POM121C: variants seen among roughly 807,000 people sequenced by gnomAD.
The protein encoded by POM121C is nuclear envelope pore membrane protein POM 121C.
Under a neutral mutation model 66.4 loss-of-function variants are expected in POM121C, and 20 were observed. That is an observed-to-expected ratio of 0.30 (90% CI 0.21 to 0.44). The LOEUF (loss-of-function observed/expected upper bound fraction) is 0.44, where lower values mean the gene tolerates loss of function less well. Ranked by LOEUF, POM121C falls within the 20% of genes least tolerant of loss-of-function variation. POM121C has a pLI of 1.00. For missense variants in POM121C, 580 were observed against 1,225.7 expected, an observed-to-expected ratio of 0.47 and a Z score of 7.87; for synonymous variants, 286 against 528.0, an observed-to-expected ratio of 0.54 and a Z score of 6.28.
chr7:75,473,879 G>C (rs587656557), intron 3 of POM121C, among the ~76,000 whole-genome samples: 1 of 151,748 alleles, frequency 6.6e-6, no homozygotes, highest in East Asian at 1.9e-4. Flanking sequence ...TAGTAGAGAC[G>C]GGGTTTCACC....
intron 3 of POM121C, among the ~76,000 whole-genome samples, chr7:75,470,634 C>CT (rs1301727952): frequency 6.6e-6 from 1 of 150,668 alleles, no homozygotes. Flanking sequence ...GCTAATTTAA[C>CT]TTTTTTTCTT....
intron 7 of POM121C, among the ~76,000 whole-genome samples, chr7:75,427,971 G>C (rs1554471908): frequency 1.3e-5 from 2 of 152,092 alleles, no homozygotes; most frequent in Non-Finnish European, 1.5e-5. Context: ...AGCAAGAAAG[G>C]CCAGAGCACA....
At chr7:75,449,457 C>T (rs1286435545) in intron 3 of POM121C, among the ~76,000 whole-genome samples, 3 of 151,788 alleles carry the variant, frequency 2.0e-5, no homozygotes, top group African/African-American at 7.3e-5. Flanking sequence ...CTCCACCTCC[C>T]GGGTTCATGC....
chr7:75,456,654 A>G (rs1246407631), intron 3 of POM121C, among the ~76,000 whole-genome samples: 4 of 152,276 alleles, frequency 2.6e-5, no homozygotes, highest in African/African-American at 9.6e-5. Flanking sequence ...ATGGGACATG[A>G]GACACAATCA....
chr7:75,443,380 T>C (rs1430980914), intron 3 of POM121C, among the ~76,000 whole-genome samples: 1 of 152,210 alleles, frequency 6.6e-6, no homozygotes, highest in African/African-American at 2.4e-5. Flanking sequence ...TTAGATTGTG[T>C]TGGCGGTTGC....
At chr7:75,442,257 C>A in intron 3 of POM121C, 4 of 643,306 alleles carry the variant, frequency 6.2e-6, no homozygotes, top group Non-Finnish European at 8.1e-6. Flanking sequence ...GCCGGGCGGG[C>A]GGGTGGGCGG....
intron 7 of POM121C, among the ~76,000 whole-genome samples, chr7:75,430,616 T>C (rs1790128975): frequency 6.6e-6 from 1 of 152,190 alleles, no homozygotes; most frequent in African/African-American, 2.4e-5. Flanking sequence ...TGACCTTAGG[T>C]TGGACAGGCA....
At chr7:75,431,329 T>A (rs1714429917) in intron 7 of POM121C, among the ~76,000 whole-genome samples, 1 of 151,758 alleles carries the variant, frequency 6.6e-6, no homozygotes, top group African/African-American at 2.4e-5. Flanking sequence ...CCGGGCTGGG[T>A]GCAGTGGCTC....
chr7:75,478,107 C>T (rs1398957316), intron 1 of POM121C, among the ~76,000 whole-genome samples: 2 of 152,260 alleles, frequency 1.3e-5, no homozygotes, highest in Middle Eastern at 3.4e-3. Context: ...GCTGGGATTA[C>T]AGGCGTGCAC....
intron 13 of POM121C, chr7:75,421,287 A>C: frequency 7.7e-7 from 1 of 1,290,916 alleles, no homozygotes; most frequent in Non-Finnish European, 1.0e-6. Context: ...TCAGCTTACA[A>C]TTGTTAAGTA....
rs782153496 is a variant in POM121C at position 75,421,791 on chromosome 7, C to T, written c.2461G>A (p.Gly821Arg). ...FGATTQTASS[G>R]SSSSVFGSTT... ...CTGCCAAACACCGAGCTGCTGCTCCCGCTGCTGGCGGTCTGGGTGGTGGCT... is the reference window on the plus strand; with the variant it reads ...CTGCCAAACACCGAGCTGCTGCTCCTGCTGCTGGCGGTCTGGGTGGTGGCT... Residue 821 changes from glycine (G) to arginine (R), a missense_variant, in exon 13 of 15, where the codon GGG (glycine) becomes AGG (arginine). By Grantham distance (125) the Gly-to-Arg change is moderately radical. Coordinates refer to ENST00000615331, the MANE Select transcript of POM121C (RefSeq NM_001099415.3). 253 of 1,608,220 alleles carry T rather than the reference C, an allele frequency of 1.6e-4. No individual in the cohort carries two copies. The highest frequency in any genetic ancestry group is 6.4e-4 in the Middle Eastern group (3 of 4,684).
At chr7:75,431,603 CAAAAAAAAAAAAAAA>C (rs71098029) in intron 7 of POM121C, among the ~76,000 whole-genome samples, 1 of 50,756 alleles carries the variant, frequency 2.0e-5, no homozygotes, top group South Asian at 9.0e-4. Flanking sequence ...AACTCCGTCT[CAAAAAAAAAAAAAAA>C]AAAAAAAAAA....
intron 13 of POM121C, chr7:75,419,741 C>CACCTAG (rs1789618180): frequency 2.7e-6 from 1 of 377,054 alleles, no homozygotes; most frequent in Admixed American, 4.7e-5. Context: ...TACTCTGGGG[C>CACCTAG]CCCCGCCTCC....
intron 3 of POM121C, among the ~76,000 whole-genome samples, chr7:75,468,368 A>C (rs1791752608): frequency 8.2e-6 from 1 of 121,612 alleles, no homozygotes; most frequent in South Asian, 2.8e-4. Context: ...CCCAGGCTGG[A>C]GTGCAGTGGT....
At chr7:75,435,938 C>T (rs587758257) in intron 7 of POM121C, among the ~76,000 whole-genome samples, 25 of 152,104 alleles carry the variant, frequency 1.6e-4, no homozygotes, top group African/African-American at 5.5e-4. Context: ...GTAATCCCAG[C>T]TACTTGGGAG....
Position 75,457,695 on chromosome 7 carries a change from G to A in POM121C, c.-151-16048C>T, listed in dbSNP as rs587770063. The stretch of plus-strand genomic sequence containing the variant: ...AAGACTGAACCACAGTAACAAGGTG[G>A]CACCCCATCCTCTCTCAAAGACAGT... On this transcript the variant is annotated intron_variant, in intron 3 of 14. Coordinates refer to ENST00000615331, the MANE Select transcript of POM121C (RefSeq NM_001099415.3). Among the ~76,000 whole-genome samples the A allele has an allele frequency of 3.5e-4, 53 of 151,856 alleles. 1 individual carries two copies. The highest frequency in any genetic ancestry group is 9.2e-4 in the Admixed American group (14 of 15,212).
intron 3 of POM121C, chr7:75,442,128 A>G: frequency 7.3e-7 from 1 of 1,367,270 alleles, no homozygotes; most frequent in Non-Finnish European, 9.4e-7. Flanking sequence ...TGATCTGGGA[A>G]AATCAGCGCA....
intron 3 of POM121C, chr7:75,442,362 C>G: frequency 7.0e-7 from 1 of 1,426,774 alleles, no homozygotes; most frequent in Non-Finnish European, 9.1e-7. Flanking sequence ...AGGAGCAGTT[C>G]GGCAGGGTCA....
chr7:75,479,653 A>T (rs587764135), intron 1 of POM121C, among the ~76,000 whole-genome samples: 1 of 143,004 alleles, frequency 7.0e-6, no homozygotes, highest in Non-Finnish European at 1.5e-5. Flanking sequence ...ATAAATAAAT[A>T]CAGTTTAATT....
Sources: gnomAD v4.1 joint callset for allele counts (sites outside exome capture counted in the v4.1 genomes callset) on GRCh38, gnomAD v4.1.1 for gene constraint, MANE v1.5 for transcripts, NCBI Gene and HGNC (gene_info 2026-07-23, HGNC 2026-07-21) for gene names.